Variants in HHIPL1 observed in about 807,000 individuals in gnomAD.
The protein encoded by HHIPL1 is HHIP like 1.
Under a neutral mutation model 61.8 loss-of-function variants are expected in HHIPL1, and 43 were observed. The ratio of observed to expected loss-of-function variants is 0.70; its 90% CI spans 0.55 to 0.90. The LOEUF (loss-of-function observed/expected upper bound fraction) is 0.90. HHIPL1 is among the 40% of genes least tolerant of loss of function. HHIPL1 has a pLI of 0.00. For synonymous variants in HHIPL1, 482 were observed against 515.8 expected (o/e 0.93, Z 0.89); for missense variants, 1,056 against 1,157.7 (o/e 0.91, Z 1.28).
chr14:99,635,272 G>A, the HHIPL1 span, among the ~76,000 whole-genome samples: 1 of 152,324 alleles, frequency 6.6e-6, no homozygotes, highest in South Asian at 2.1e-4. Context: ...CTGCCGTCCT[G>A]AGTGGGACTT....
At position 99,668,339 on chromosome 14, in the gene HHIPL1, G is replaced by A. The variant is rs749768885; in HGVS notation, c.1730+36G>A. On this transcript the variant is annotated intron_variant, in intron 7 of 8. Transcript: ENST00000330710. The surrounding 1 kb of genome is among the most constrained non-coding windows in gnomAD (Gnocchi z 4.7). ...GCCTCCAGGACAGGGAGCTCCTGCT[G>A]TCTGTCAGGCCTCTTAGCTCCACGG... The A allele has an allele frequency of 7.9e-7, 1 of 1,271,264 alleles. No individual in the cohort carries two copies. The highest frequency in any genetic ancestry group is 2.3e-5 in the East Asian group (1 of 43,340). The allele number at this position is 1,271,264 out of a possible 1,614,324, so 78.7% of individuals were successfully genotyped here. A position where few individuals can be genotyped will look rare whatever the true frequency, so the allele number is the denominator to read the frequency against.
chr14:99,645,425 C>A lies in HHIPL1; in HGVS notation c.218C>A (p.Ala73Asp). 7.3e-7 allele frequency: 1 copy of A among 1,367,464 alleles called. No individual in the cohort carries two copies. The highest frequency in any genetic ancestry group is 9.4e-7 in the Non-Finnish European group (1 of 1,065,098). 84.7% of individuals were successfully genotyped at this position (1,367,464 alleles called of 1,614,324 possible). A position where few individuals can be genotyped will look rare whatever the true frequency, so the allele number is the denominator to read the frequency against. Residue 73 changes from alanine (A) to aspartate (D), a missense_variant, in exon 1 of 9, where the codon GCC becomes GAC. Ala to Asp is a moderately radical substitution (Grantham distance 126). Coordinates refer to ENST00000330710, the MANE Select transcript of HHIPL1 (RefSeq NM_001127258.3). ...AGCCGCGTGGACGCCGCCGAGTGGG[C>A]CGCGTGCGCCGGCTACGCGAGGGAC... ...LASRVDAAEWAACAGYARDLL... is the reference protein window; with the variant it reads ...LASRVDAAEWDACAGYARDLL...
At chr14:99,672,131 C>T (rs375396390) in intron 7 of HHIPL1, among the ~76,000 whole-genome samples, 186 bp from the exon 8 acceptor site, 4 of 152,204 alleles carry the variant, frequency 2.6e-5, no homozygotes, top group African/African-American at 4.8e-5. Flanking sequence ...GGGATTTATG[C>T]CCTGGAGCTC....
intron 6 of HHIPL1, among the ~76,000 whole-genome samples, chr14:99,667,326 T>A (rs1023655203): frequency 2.6e-5 from 4 of 151,772 alleles, no homozygotes; most frequent in African/African-American, 9.7e-5. Context: ...AGCCTCTTTT[T>A]TTTTTTTCTC....
rs1403409039 is a variant in HHIPL1 at position 99,676,299 on chromosome 14, T to C, written c.*673T>C. The C allele has an allele frequency of 1.3e-5, 2 of 152,464 alleles. No individual in the cohort carries two copies. Among genetic ancestry groups the C allele is most frequent in the Admixed American group, 6.5e-5 (1 of 15,284 alleles). The allele number at this position is 152,464 out of a possible 1,614,324, so 9.4% of individuals were successfully genotyped here. ...AGGGAGGATGGCTGTGAGGACTGGATGACCTCCAAGGCCGTATGCTGGAGA... is the reference window on the plus strand; with the variant it reads ...AGGGAGGATGGCTGTGAGGACTGGACGACCTCCAAGGCCGTATGCTGGAGA... On this transcript the variant is annotated 3_prime_UTR_variant, in exon 9 of 9. Coordinates refer to ENST00000330710, the MANE Select transcript of HHIPL1 (RefSeq NM_001127258.3).
rs1342579844 is a variant in HHIPL1, at chr14:99,676,859, TG to T, written c.*1236del. 5 of 46,894 alleles carry T rather than the reference TG, an allele frequency of 1.1e-4. No individual in the cohort carries two copies. The highest frequency in any genetic ancestry group is 3.2e-4 in the African/African-American group (5 of 15,448). 2.9% of individuals were successfully genotyped at this position (46,894 alleles called of 1,614,324 possible). ...TAGTATGACTGCGCTCAGCCTCGGA[TG>T]GGAGCACGGGTGGGGGGTGGGTAAG... On this transcript the variant is annotated 3_prime_UTR_variant, in exon 9 of 9. Transcript: ENST00000330710.
chr14:99,667,690 T>C (rs2056267882), intron 6 of HHIPL1, among the ~76,000 whole-genome samples: 1 of 152,184 alleles, frequency 6.6e-6, no homozygotes, highest in African/African-American at 2.4e-5. Context: ...AAATCCCGGA[T>C]GACGCCTGCA....
In HHIPL1 at chr14:99,660,433, C is replaced by T; in HGVS notation, c.1502+27C>T. 6.3e-7 allele frequency: 1 copy of T among 1,598,290 alleles called. No individual in the cohort carries two copies. The highest frequency in any genetic ancestry group is 1.1e-5 in the South Asian group (1 of 89,370). On this transcript the variant is annotated intron_variant, in intron 5 of 8. Transcript: ENST00000330710. This position sits in a 1 kb window ranked among gnomAD's most constrained non-coding sequence, Gnocchi z 4.9. ...TAAGTGACCTAGTGCCCTCGCGCCC[C>T]TGGCTGCTGCCACTGGCTCCTTGGG...
chr14:99,674,231 G>A (rs2056360075), intron 8 of HHIPL1, among the ~76,000 whole-genome samples: 1 of 152,056 alleles, frequency 6.6e-6, no homozygotes, highest in Admixed American at 6.5e-5. Flanking sequence ...TAATTGAACA[G>A]TCTTGGGCTG....
intron 8 of HHIPL1, 137 bp from the exon 9 acceptor site, chr14:99,674,954 G>A (rs1021031139): frequency 3.1e-6 from 1 of 324,268 alleles, no homozygotes; most frequent in Non-Finnish European, 4.7e-6. Flanking sequence ...TCTTCTGGGT[G>A]TGAGTGCAGG....
intron 4 of HHIPL1, 85 bp downstream of exon 4, chr14:99,659,841 A>ACCG: frequency 2.7e-6 from 1 of 368,524 alleles, no homozygotes; most frequent in East Asian, 4.7e-5. Context: ...TCCCTCGGAG[A>ACCG]CCGCACCCCC....
the HHIPL1 span, among the ~76,000 whole-genome samples, chr14:99,638,368 G>A: frequency 1.3e-5 from 2 of 152,208 alleles, no homozygotes; most frequent in African/African-American, 2.4e-5. Flanking sequence ...AGGCTGCCCC[G>A]AGGCCTTCCC....
At position 99,668,009 on chromosome 14, in the gene HHIPL1, T is replaced by G. The variant is rs2056273581; in HGVS notation, c.1649-213T>G. Among the ~76,000 whole-genome samples the G allele has an allele frequency of 6.6e-6, 1 of 152,142 alleles. No individual in the cohort carries two copies. The highest frequency in any genetic ancestry group is 2.4e-5 in the African/African-American group (1 of 41,430). On this transcript the variant is annotated intron_variant, in intron 6 of 8. Coordinates refer to ENST00000330710, the MANE Select transcript of HHIPL1 (RefSeq NM_001127258.3). This position sits in a 1 kb window ranked among gnomAD's most constrained non-coding sequence, Gnocchi z 4.7. ...GTGCCTGACACCCGGAAGACCAGGC[T>G]CCAGAGGCCCTTGGGTACAACCCAA...
upstream of HHIPL1, among the ~76,000 whole-genome samples, chr14:99,641,035 C>T (rs535135516): frequency 5.9e-4 from 89 of 151,924 alleles, no homozygotes; most frequent in African/African-American, 1.8e-3. Context: ...TACAGGCATC[C>T]GCCACCACAC....
the HHIPL1 span, among the ~76,000 whole-genome samples, chr14:99,611,762 C>T: frequency 6.6e-6 from 1 of 151,064 alleles, no homozygotes; most frequent in Non-Finnish European, 1.5e-5. Context: ...TTCCTATAAG[C>T]AATGCCCTGT....
At chr14:99,637,243 AGAAAG>A in the HHIPL1 span, among the ~76,000 whole-genome samples, 1 of 148,374 alleles carries the variant, frequency 6.7e-6, no homozygotes, top group East Asian at 2.0e-4. Context: ...AAAGAAAGAA[AGAAAG>A]AAAGAAAGAA....
chr14:99,637,050 G>GA, the HHIPL1 span, among the ~76,000 whole-genome samples: 27 of 44,156 alleles, frequency 6.1e-4, no homozygotes, highest in East Asian at 0.011. Flanking sequence ...AAAGAAAGAA[G>GA]GAAGGAAGGA....
the HHIPL1 span, among the ~76,000 whole-genome samples, chr14:99,635,269 C>T: frequency 2.0e-5 from 3 of 152,144 alleles, no homozygotes; most frequent in Non-Finnish European, 4.4e-5. Flanking sequence ...CGCCTGCCGT[C>T]CTGAGTGGGA....
chr14:99,642,562 G>A (rs188735377), upstream of HHIPL1, among the ~76,000 whole-genome samples: 57 of 149,930 alleles, frequency 3.8e-4, no homozygotes, highest in African/African-American at 1.3e-3. Context: ...GTCTCGCTCT[G>A]TCACCCAGGC....
Sources: gnomAD v4.1 joint callset for allele counts (sites outside exome capture counted in the v4.1 genomes callset) on GRCh38, gnomAD v4.1.1 for gene constraint, Gnocchi (gnomAD v3.1) non-coding constraint, MANE v1.5 for transcripts, NCBI Gene and HGNC (gene_info 2026-07-23, HGNC 2026-07-21) for gene names.